PDE6A: variants seen among roughly 807,000 people sequenced by gnomAD.
The protein encoded by PDE6A is phosphodiesterase 6A.
A neutral mutation model predicts 106.3 loss-of-function variants in PDE6A; 84 were observed. The ratio of observed to expected loss-of-function variants is 0.79; its 90% CI spans 0.66 to 0.95. The LOEUF (loss-of-function observed/expected upper bound fraction) is 0.95. Among genes scored for constraint, PDE6A ranks in the 40% least tolerant of loss-of-function variants. The probability of loss-of-function intolerance (pLI) is 0.00; values close to 1 mark genes in which losing one functional copy is unlikely to be tolerated. For missense variants in PDE6A, 1,052 were observed against 1,084.9 expected, an observed-to-expected ratio of 0.97 and a Z score of 0.43; for synonymous variants, 394 against 386.6, an observed-to-expected ratio of 1.02 and a Z score of -0.23.
In PDE6A at chr5:149,867,986, G is replaced by A; in HGVS notation, c.2199+109C>T. The stretch of plus-strand genomic sequence containing the variant: ...TTCCCATGTCTTGGTAGAGGAGGAT[G>A]GGACACAGGTGAGCTGGTTCTGGAG... On this transcript the variant is annotated intron_variant, in intron 18 of 21. Transcript: ENST00000255266. 2.5e-6 allele frequency: 3 copies of A among 1,186,408 alleles called. No homozygotes were observed. The South Asian group carries it at 3.6e-5, about 14-fold the overall frequency. The allele number at this position is 1,186,408 out of a possible 1,614,324, so 73.5% of individuals were successfully genotyped here.
chr5:149,935,268 G>A (rs1484358005), intron 1 of PDE6A, among the ~76,000 whole-genome samples: 2 of 42,882 alleles, frequency 4.7e-5, no homozygotes, highest in Non-Finnish European at 1.9e-4. Flanking sequence ...GTGTGTGAGT[G>A]TGTGTGTGTG....
rs150003610 is a variant in PDE6A at position 149,860,726 on chromosome 5, A to T, written c.*169T>A. 1.8e-6 allele frequency: 1 copy of T among 563,560 alleles called. No homozygotes were observed. Among genetic ancestry groups the T allele is most frequent in the Non-Finnish European group, 3.2e-6 (1 of 315,890 alleles). 34.9% of individuals were successfully genotyped at this position (563,560 alleles called of 1,614,324 possible). ...TGTGTGACCCAAGACAATTCTTCCA[A>T]TGTGGCCCAGGGAAGCCAAAAGATT... On this transcript the variant is annotated 3_prime_UTR_variant, in exon 22 of 22. Coordinates refer to ENST00000255266, the MANE Select transcript of PDE6A (RefSeq NM_000440.3).
At position 149,867,779 on chromosome 5, in the gene PDE6A, A is replaced by T; in HGVS notation, c.2220T>A (p.Ala740=). The T allele has an allele frequency of 6.2e-7, 1 of 1,613,496 alleles. No individual in the cohort carries two copies. Among genetic ancestry groups the T allele is most frequent in the South Asian group, 1.1e-5 (1 of 91,062 alleles). The change falls in exon 19 of 22, where the codon GCT becomes GCA. Residue 740 remains alanine (A), a synonymous_variant. Transcript: ENST00000255266. ...VQSQVALLVA[A]EFWEQGDLER... ...CCAGGTCACCTTGTTCCCAGAATTC[A>T]GCAGCCACCAGCAGAGCTACCTGCA...
intron 5 of PDE6A, among the ~76,000 whole-genome samples, chr5:149,916,225 T>G (rs1753546670): frequency 6.6e-6 from 1 of 152,202 alleles, no homozygotes; most frequent in Non-Finnish European, 1.5e-5. Flanking sequence ...TGCCCCAAAT[T>G]GCAAGTCTTC....
intron 3 of PDE6A, chr5:149,932,757 T>C (rs756232876): frequency 4.5e-6 from 5 of 1,105,628 alleles, no homozygotes; most frequent in Non-Finnish European, 6.7e-6. Flanking sequence ...GCTTCTGTGC[T>C]TCATATTAAA....
chr5:149,884,859 T>C lies in PDE6A; in HGVS notation c.1847A>G (p.Asn616Ser), dbSNP rs1752223748. The change falls in exon 15 of 22, where the codon AAC becomes AGC. Residue 616 changes from asparagine to serine, a missense_variant. Transcript: ENST00000255266. ...TNNLYQMKSQ[N>S]PLAKLHGSSI... Reference sequence around the variant, plus strand: ...GGACCCATGGAGCTTGGCCAGTGGGTTCTGGGATCTGAATGAGAAAGAGAG... The same window carrying C: ...GGACCCATGGAGCTTGGCCAGTGGGCTCTGGGATCTGAATGAGAAAGAGAG... The C allele has an allele frequency of 1.2e-6, 2 of 1,613,402 alleles. No homozygotes were observed. The highest frequency in any genetic ancestry group is 2.2e-5 in the South Asian group (2 of 91,082).
chr5:149,895,240 G>A lies in PDE6A; in HGVS notation c.1671C>T (p.Thr557=), dbSNP rs1334812851. 1.2e-6 allele frequency: 2 copies of A among 1,614,144 alleles called. No individual in the cohort carries two copies. The highest frequency in any genetic ancestry group is 1.7e-5 in the Admixed American group (1 of 60,030). ...TGAAGCCGTGCCGCCAGTTGTGGTAGGTGATCTTGCGGTAGCCCTTACTCA... is the reference window on the plus strand; with the variant it reads ...TGAAGCCGTGCCGCCAGTTGTGGTAAGTGATCTTGCGGTAGCCCTTACTCA... ...YSLSKGYRKI[T]YHNWRHGFNV... Residue 557 remains threonine, a synonymous_variant, in exon 13 of 22, where the codon ACC becomes ACT. Coordinates refer to ENST00000255266, the MANE Select transcript of PDE6A (RefSeq NM_000440.3).
chr5:149,898,460 T>C lies in PDE6A; in HGVS notation c.1310A>G (p.Tyr437Cys), dbSNP rs765974352. The change falls in exon 10 of 22, where the codon TAT becomes TGT. Residue 437 changes from tyrosine (Y) to cysteine (C), a missense_variant. Tyr to Cys is a radical substitution (Grantham distance 194). This residue lies in a region of PDE6A where 913 missense variants were observed against 915.2 expected (regional missense o/e 1.00). Transcript: ENST00000255266. Reference protein sequence around the residue: ...LGWSVLNPDTYESMNKLENRK... With the variant: ...LGWSVLNPDTCESMNKLENRK... ...ATTTTCAAGTTTATTCATTGACTCA[T>C]AGGTGTCAGGATTTAAGACAGACCA... 3.7e-6 allele frequency: 6 copies of C among 1,613,548 alleles called. No individual in the cohort carries two copies. The highest frequency in any genetic ancestry group is 1.7e-5 in the Admixed American group (1 of 60,028).
rs138756825 is a variant in PDE6A at position 149,910,403 on chromosome 5, G to A, written c.999-3025C>T. 2.9e-3 allele frequency among the ~76,000 whole-genome samples: 443 copies of A among 152,230 alleles called. 2 individuals are homozygous for A. Among genetic ancestry groups the A allele is most frequent in the African/African-American group, 0.01 (419 of 41,538 alleles). ...TATGTGCAGAGAAAGATTAAATGCT[G>A]CCAATTAACCTATAACGTAATCTAT... On this transcript the variant is annotated intron_variant, in intron 6 of 21. Coordinates refer to ENST00000255266, the MANE Select transcript of PDE6A (RefSeq NM_000440.3).
Position 149,867,715 on chromosome 5 carries a change from G to C in PDE6A, c.2274+10C>G. 1 of 1,612,042 alleles carries C rather than the reference G, an allele frequency of 6.2e-7. No homozygotes were observed. The highest frequency in any genetic ancestry group is 8.5e-7 in the Non-Finnish European group (1 of 1,178,276). On this transcript the variant is annotated intron_variant, in intron 19 of 21. Coordinates refer to ENST00000255266, the MANE Select transcript of PDE6A (RefSeq NM_000440.3). ...ACCTAACATCAGGCTGACATCCCCT[G>C]TCTACTCACAATGGGATTCTGTTGC...
At chr5:149,916,066 G>A (rs1255186695) in intron 5 of PDE6A, among the ~76,000 whole-genome samples, 2 of 152,136 alleles carry the variant, frequency 1.3e-5, no homozygotes, top group Non-Finnish European at 2.9e-5. Context: ...TCGAATTCCT[G>A]GGCTCACGTG....
chr5:149,896,740 A>G lies in PDE6A; in HGVS notation c.1444T>C (p.Cys482Arg), dbSNP rs1386927449. The stretch of plus-strand genomic sequence containing the variant: ...ATCTCAGCCAGCTCCTCTTCCTCAC[A>G]CTCCCATGGCTCCTTCCCATACACC... The part of the protein sequence containing the change: ...REVYGKEPWE[C>R]EEEELAEILQ... Residue 482 changes from cysteine (C) to arginine (R), a missense_variant, in exon 11 of 22, where the codon TGT becomes CGT. This residue lies in a region of PDE6A where 913 missense variants were observed against 915.2 expected (regional missense o/e 1.00). Coordinates refer to ENST00000255266, the MANE Select transcript of PDE6A (RefSeq NM_000440.3). 6.2e-7 allele frequency: 1 copy of G among 1,613,244 alleles called. No individual in the cohort carries two copies. Among genetic ancestry groups the G allele is most frequent in the Non-Finnish European group, 8.5e-7 (1 of 1,179,858 alleles).
At chr5:149,926,346 G>T (rs1023105675) in intron 4 of PDE6A, among the ~76,000 whole-genome samples, 2 of 152,132 alleles carry the variant, frequency 1.3e-5, no homozygotes, top group Non-Finnish European at 2.9e-5. Flanking sequence ...TGATAATAAA[G>T]GTATGATAGG....
rs70973547 is a variant in PDE6A, at chr5:149,863,627, CT to C, written c.2359-362del. Reference sequence around the variant, plus strand: ...TGAGCCTCACACAAGCTGCTCTTTTCTTTTTTTTTTCTTTCCAAGACAGGGC... The same window carrying C: ...TGAGCCTCACACAAGCTGCTCTTTTCTTTTTTTTTCTTTCCAAGACAGGGC... On this transcript the variant is annotated intron_variant, in intron 20 of 21. Coordinates refer to ENST00000255266, the MANE Select transcript of PDE6A (RefSeq NM_000440.3). This position sits in a 1 kb window ranked among gnomAD's most constrained non-coding sequence, Gnocchi z 4.7. Among the ~76,000 whole-genome samples, 3 of 145,912 alleles carry C rather than the reference CT, an allele frequency of 2.1e-5. No homozygotes were observed. The highest frequency in any genetic ancestry group is 1.3e-4 in the Admixed American group (2 of 14,920).
At chr5:149,883,330 T>A in intron 17 of PDE6A, 99 bp downstream of exon 17, 1 of 802,408 alleles carries the variant, frequency 1.2e-6, no homozygotes, top group South Asian at 1.4e-5. Flanking sequence ...CAAAATGAAA[T>A]AGTCCCAAGG....
At chr5:149,866,464 AAAAG>A (rs1760335299) in intron 19 of PDE6A, 1 of 541,168 alleles carries the variant, frequency 1.8e-6, no homozygotes, top group East Asian at 3.1e-5. Context: ...TGCACAAAAA[AAAAG>A]ACACACTGTC....
At chr5:149,932,878 C>G (rs1472756836) in intron 3 of PDE6A, among the ~76,000 whole-genome samples, 1 of 152,248 alleles carries the variant, frequency 6.6e-6, no homozygotes, top group Non-Finnish European at 1.5e-5. Flanking sequence ...CCAGGGCGCT[C>G]AAGTGGGCGC....
chr5:149,882,256 C>A (rs1389075979), intron 17 of PDE6A, among the ~76,000 whole-genome samples: 1 of 150,050 alleles, frequency 6.7e-6, no homozygotes, highest in East Asian at 2.0e-4. Context: ...CTTGCTGCTG[C>A]CCCCCCCGTT....
rs368494356 is a variant in PDE6A at position 149,865,239 on chromosome 5, CA to C, written c.2358+930del. Among the ~76,000 whole-genome samples, 343 of 105,564 alleles carry C rather than the reference CA, an allele frequency of 3.2e-3. 1 individual carries two copies. Among genetic ancestry groups the C allele is most frequent in the East Asian group, 0.014 (44 of 3,060 alleles). 69.3% of individuals were successfully genotyped at this position (105,564 alleles called of 152,430 possible). A position where few individuals can be genotyped will look rare whatever the true frequency, so the allele number is the denominator to read the frequency against. ...TGGGTGACAGAGTGAGATTCTGTCT[CA>C]AAAAAAAAAAAAAAAAAAATTTAGC... On this transcript the variant is annotated intron_variant, in intron 20 of 21. Coordinates refer to ENST00000255266, the MANE Select transcript of PDE6A (RefSeq NM_000440.3).
Sources: gnomAD v4.1 joint callset for allele counts (sites outside exome capture counted in the v4.1 genomes callset) on GRCh38, gnomAD v4.1.1 for gene constraint, gnomAD v4.1.1 regional missense constraint, Gnocchi (gnomAD v3.1) non-coding constraint, MANE v1.5 for transcripts, NCBI Gene and HGNC (gene_info 2026-07-23, HGNC 2026-07-21) for gene names.